Variants in SORCS2 observed in about 807,000 individuals in gnomAD.
SORCS2 encodes the protein VPS10 domain-containing receptor SorCS2.
A neutral mutation model predicts 141.6 loss-of-function variants in SORCS2; 100 were observed. That is an observed-to-expected ratio of 0.71 (90% CI 0.60 to 0.83). The LOEUF is 0.83. Ranked by LOEUF, SORCS2 falls within the 40% of genes least tolerant of loss-of-function variation. The pLI is 0.00. For synonymous variants in SORCS2, 789 were observed against 676.9 expected, an observed-to-expected ratio of 1.17 and a Z score of -2.57; for missense variants, 1,646 against 1,560.2, an observed-to-expected ratio of 1.05 and a Z score of -0.93.
At chr4:7,353,319 A>G (rs1721061151) in intron 1 of SORCS2, among the ~76,000 whole-genome samples, 2 of 152,192 alleles carry the variant, frequency 1.3e-5, no homozygotes, top group Non-Finnish European at 2.9e-5. Flanking sequence ...CCCAGGGCCC[A>G]GAGGGAAGTC....
At chr4:7,605,417 T>C (rs1307926266) in intron 3 of SORCS2, among the ~76,000 whole-genome samples, 1 of 152,114 alleles carries the variant, frequency 6.6e-6, no homozygotes, top group Non-Finnish European at 1.5e-5. Context: ...AGGATAGGTG[T>C]TGGGGGGCAC....
Position 7,742,076 on chromosome 4 carries a change from C to G in SORCS2, c.*1812C>G, listed in dbSNP as rs758393531. On this transcript the variant is annotated 3_prime_UTR_variant, in exon 27 of 27. Transcript: ENST00000507866. ...ACCCAAAGCTCTCTCCCCACCCTAC[C>G]TGCCCACCTGGGGCTCCTGTGCCCC... The G allele has an allele frequency of 1.3e-5, 2 of 152,280 alleles. No homozygotes were observed. Among genetic ancestry groups the G allele is most frequent in the Non-Finnish European group, 2.9e-5 (2 of 68,106 alleles). The allele number at this position is 152,280 out of a possible 1,614,324, so 9.4% of individuals were successfully genotyped here.
At chr4:7,542,723 C>T (rs1055503433) in intron 3 of SORCS2, among the ~76,000 whole-genome samples, 19 of 152,188 alleles carry the variant, frequency 1.2e-4, no homozygotes, top group African/African-American at 4.3e-4. Context: ...AGAATGGAGT[C>T]GCTCACGTGA....
intron 1 of SORCS2, among the ~76,000 whole-genome samples, chr4:7,199,784 C>T (rs1727384335): frequency 1.3e-5 from 2 of 152,142 alleles, no homozygotes; most frequent in South Asian, 4.1e-4. Context: ...TCTGTCCTCT[C>T]TCTGCACCCC....
intron 2 of SORCS2, among the ~76,000 whole-genome samples, chr4:7,416,898 A>C (rs1196443998): frequency 6.6e-6 from 1 of 152,152 alleles, no homozygotes; most frequent in East Asian, 1.9e-4. Context: ...GCATGCACAC[A>C]CACGTGTGCA....
intron 2 of SORCS2, among the ~76,000 whole-genome samples, chr4:7,526,958 C>T (rs979375551): frequency 6.6e-6 from 1 of 152,198 alleles, no homozygotes; most frequent in Non-Finnish European, 1.5e-5. Context: ...CTTTTTAATG[C>T]TAAGTCTTTG....
Position 7,667,222 on chromosome 4 carries a change from C to T in SORCS2, c.1161+9C>T, listed in dbSNP as rs1257127591. The stretch of plus-strand genomic sequence containing the variant: ...AGTATGCATTGCCAAAGGTAAGGTG[C>T]TCCCCATTCCGCCTGGTCCTGTGGC... On this transcript the variant is annotated intron_variant, in intron 8 of 26. Transcript: ENST00000507866. 6.8e-6 allele frequency: 11 copies of T among 1,612,738 alleles called. No homozygotes were observed. The highest frequency in any genetic ancestry group is 9.3e-6 in the Non-Finnish European group (11 of 1,178,878).
At chr4:7,393,581 C>T (rs921856745) in intron 1 of SORCS2, among the ~76,000 whole-genome samples, 1 of 152,098 alleles carries the variant, frequency 6.6e-6, no homozygotes, top group Non-Finnish European at 1.5e-5. Flanking sequence ...AATATTGAAG[C>T]GCTCTCTGCT....
intron 1 of SORCS2, among the ~76,000 whole-genome samples, chr4:7,371,439 A>G (rs897616185): frequency 1.9e-4 from 29 of 152,178 alleles, no homozygotes; most frequent in Middle Eastern, 3.2e-3. Context: ...TCATTATTTC[A>G]TACTTAGGCC....
chr4:7,618,837 AACAC>A (rs36003102), intron 3 of SORCS2, among the ~76,000 whole-genome samples: 18 of 150,262 alleles, frequency 1.2e-4, no homozygotes, highest in South Asian at 6.4e-4. Context: ...CATGTGCGCA[AACAC>A]ACACACACAC....
chr4:7,703,205 C>T (rs1399653630), intron 12 of SORCS2, 75 bp from the exon 13 acceptor site: 5 of 1,248,696 alleles, frequency 4.0e-6, no homozygotes, highest in African/African-American at 3.0e-5. Flanking sequence ...AACCCTCCTC[C>T]CAGGAGCCGC....
chr4:7,377,535 A>T (rs1475040221), intron 1 of SORCS2, among the ~76,000 whole-genome samples: 1 of 152,228 alleles, frequency 6.6e-6, no homozygotes, highest in Non-Finnish European at 1.5e-5. Context: ...AATTTGTTCC[A>T]TCATTAACTT....
intron 3 of SORCS2, among the ~76,000 whole-genome samples, chr4:7,626,747 CTT>C (rs981696213): frequency 9.2e-5 from 14 of 152,162 alleles, no homozygotes; most frequent in African/African-American, 3.4e-4. Context: ...TCCTTCCTGT[CTT>C]TTGCACTCAG....
intron 1 of SORCS2, among the ~76,000 whole-genome samples, chr4:7,392,010 G>A (rs1723894826): frequency 6.6e-6 from 1 of 152,198 alleles, no homozygotes; most frequent in South Asian, 2.1e-4. Context: ...ACAGGGTTCA[G>A]CACAAAGTGA....
intron 5 of SORCS2, among the ~76,000 whole-genome samples, chr4:7,661,089 C>A (rs1722131606): frequency 6.6e-6 from 1 of 152,170 alleles, no homozygotes; most frequent in Admixed American, 6.5e-5. Flanking sequence ...CCCAGGCCTG[C>A]CTGCCTCCTG....
At chr4:7,226,444 C>T (rs4689658) in intron 1 of SORCS2, among the ~76,000 whole-genome samples, 36,159 of 151,968 alleles carry the variant, frequency 0.24, 4,383 homozygotes, top group Middle Eastern at 0.25. Context: ...CGGTCAGTGC[C>T]GTTCCGTTTG....
chr4:7,473,217 G>T (rs1730086911), intron 2 of SORCS2, among the ~76,000 whole-genome samples: 1 of 152,184 alleles, frequency 6.6e-6, no homozygotes, highest in Non-Finnish European at 1.5e-5. Flanking sequence ...ATATGTGTTT[G>T]CCAAGTTGAA....
At chr4:7,655,961 C>T (rs894210594) in intron 5 of SORCS2, among the ~76,000 whole-genome samples, 2 of 152,216 alleles carry the variant, frequency 1.3e-5, no homozygotes, top group African/African-American at 4.8e-5. Flanking sequence ...TTTCCTCCCC[C>T]AAGTTTCCCT....
At chr4:7,555,280 A>G (rs535229904) in intron 3 of SORCS2, among the ~76,000 whole-genome samples, 5 of 152,366 alleles carry the variant, frequency 3.3e-5, no homozygotes, top group African/African-American at 1.2e-4. Flanking sequence ...GTTAGGTGCA[A>G]TCGCTGTGAA....
Sources: gnomAD v4.1 joint callset for allele counts (sites outside exome capture counted in the v4.1 genomes callset) on GRCh38, gnomAD v4.1.1 for gene constraint, MANE v1.5 for transcripts, NCBI Gene and HGNC (gene_info 2026-07-23, HGNC 2026-07-21) for gene names.